Variants in ALG6 observed in about 807,000 individuals in gnomAD.
ALG6 encodes dolichyl pyrophosphate Man9GlcNAc2 alpha-1,3-glucosyltransferase.
ALG6 carries 46 observed loss-of-function variants against 66.6 expected under a neutral mutation model. The ratio of observed to expected loss-of-function variants is 0.69; its 90% CI spans 0.55 to 0.88. The LOEUF (loss-of-function observed/expected upper bound fraction) is 0.88. Among genes scored for constraint, ALG6 ranks in the 40% least tolerant of loss-of-function variants. The pLI, the probability that ALG6 is intolerant of heterozygous loss-of-function variation, is 0.00. For missense variants in ALG6, 505 were observed against 586.8 expected, an observed-to-expected ratio of 0.86 and a Z score of 1.44; for synonymous variants, 185 against 203.7, an observed-to-expected ratio of 0.91 and a Z score of 0.78.
At chr1:63,432,282 A>C (rs1027328395) in intron 14 of ALG6, among the ~76,000 whole-genome samples, 1 of 146,718 alleles carries the variant, frequency 6.8e-6, no homozygotes, top group Admixed American at 6.7e-5. Context: ...TTATTCTATT[A>C]TATGACATAT....
chr1:63,415,083 G>A (rs1292260018), intron 10 of ALG6, among the ~76,000 whole-genome samples: 1 of 152,066 alleles, frequency 6.6e-6, no homozygotes, highest in East Asian at 1.9e-4. Context: ...AGATGGGTGT[G>A]GCCTCTCTGT....
intron 3 of ALG6, among the ~76,000 whole-genome samples, chr1:63,401,564 G>T (rs1644465358): frequency 6.6e-6 from 1 of 151,496 alleles, no homozygotes; most frequent in Non-Finnish European, 1.5e-5. Flanking sequence ...TACTCAGGAG[G>T]CTGAGGCAGG....
intron 11 of ALG6, among the ~76,000 whole-genome samples, chr1:63,419,092 T>C (rs1222087555): frequency 6.6e-6 from 1 of 152,184 alleles, no homozygotes; most frequent in Non-Finnish European, 1.5e-5. Context: ...ATGATTGTTG[T>C]GTCTGAGGTA....
intron 2 of ALG6, among the ~76,000 whole-genome samples, chr1:63,385,257 T>C (rs368031970): frequency 5.1e-5 from 7 of 136,836 alleles, no homozygotes; most frequent in African/African-American, 1.9e-4. Flanking sequence ...TGGAGTGCAA[T>C]GGCATGATCT....
chr1:63,405,334 C>G (rs1020678517), intron 5 of ALG6, among the ~76,000 whole-genome samples: 1 of 152,120 alleles, frequency 6.6e-6, no homozygotes, highest in African/African-American at 2.4e-5. Context: ...GCAGGGAACT[C>G]ACAACCTTTA....
At chr1:63,386,619 C>G (rs1648511327) in intron 2 of ALG6, among the ~76,000 whole-genome samples, 1 of 152,084 alleles carries the variant, frequency 6.6e-6, no homozygotes, top group Non-Finnish European at 1.5e-5. Context: ...TCATAGTAGT[C>G]TCTGGTGATC....
chr1:63,414,654 C>T (rs1462771309), intron 10 of ALG6, among the ~76,000 whole-genome samples: 1 of 152,126 alleles, frequency 6.6e-6, no homozygotes, highest in East Asian at 1.9e-4. Flanking sequence ...GAATTGTTAC[C>T]TTGTTCTCTC....
chr1:63,402,663 C>T (rs1364813125), intron 4 of ALG6, among the ~76,000 whole-genome samples: 1 of 147,914 alleles, frequency 6.8e-6, no homozygotes, highest in Admixed American at 6.7e-5. Context: ...GACGGGGTTT[C>T]ACCATGTTGG....
intron 3 of ALG6, among the ~76,000 whole-genome samples, chr1:63,399,742 T>C (rs1644436347): frequency 6.6e-6 from 1 of 152,158 alleles, no homozygotes; most frequent in Non-Finnish European, 1.5e-5. Flanking sequence ...GAAAACTACA[T>C]CTTAAAGTTA....
At position 63,419,667 on chromosome 1, in the gene ALG6, CT is replaced by C. The variant is rs562363643; in HGVS notation, c.1058+228del. ...TTATTGACATAATAGTAATTTCTTC[CT>C]GTTCCTTCACTTATATTTTCTACAT... On this transcript the variant is annotated intron_variant, in intron 12 of 14. Transcript: ENST00000263440. Among the ~76,000 whole-genome samples, 81 of 152,070 alleles carry C rather than the reference CT, an allele frequency of 5.3e-4. 1 individual carries two copies. Among genetic ancestry groups the C allele is most frequent in the African/African-American group, 1.9e-3 (77 of 41,492 alleles).
At position 63,406,408 on chromosome 1, in the gene ALG6, T is replaced by C. The variant is rs1644489994; in HGVS notation, c.429+9T>C. ...TCTCAACTAAGAAAAAGGTAGGTTT[T>C]CAAGCAGCCTGACAGTTCGTCTCTG... is the stretch of plus-strand genomic sequence containing the variant. On this transcript the variant is annotated intron_variant, in intron 6 of 14. Transcript: ENST00000263440. The C allele has an allele frequency of 3.1e-6, 5 of 1,608,538 alleles. No individual in the cohort carries two copies. Among genetic ancestry groups the C allele is most frequent in the Non-Finnish European group, 4.3e-6 (5 of 1,175,530 alleles).
At chr1:63,372,387 AT>A (rs1647957590) in intron 2 of ALG6, among the ~76,000 whole-genome samples, 1 of 152,122 alleles carries the variant, frequency 6.6e-6, no homozygotes, top group Non-Finnish European at 1.5e-5. Flanking sequence ...ACAGACACAC[AT>A]TTACTCTCTA....
chr1:63,394,741 C>T (rs1396782183), intron 2 of ALG6, among the ~76,000 whole-genome samples: 1 of 152,156 alleles, frequency 6.6e-6, no homozygotes, highest in Non-Finnish European at 1.5e-5. Flanking sequence ...AGAATAGGAG[C>T]TAAGAGCATG....
rs1390833208 is a variant in ALG6 at position 63,422,350 on chromosome 1, TATCTATATAA to T, written c.1058+2913_1058+2922del. On this transcript the variant is annotated intron_variant, in intron 12 of 14. Transcript: ENST00000263440. ...ATATATCTATAGGAATATAAATATA[TATCTATATAA>T]ATATAAATATATATAAGTATAAATA... Among the ~76,000 whole-genome samples, 12 of 100,194 alleles carry T rather than the reference TATCTATATAA, an allele frequency of 1.2e-4. No homozygotes were observed. The East Asian group carries it at 2.2e-3, about 18-fold the overall frequency. 65.7% of individuals were successfully genotyped at this position (100,194 alleles called of 152,430 possible).
chr1:63,425,988 T>C (rs1160110810), intron 12 of ALG6, among the ~76,000 whole-genome samples: 1 of 151,936 alleles, frequency 6.6e-6, no homozygotes, highest in Non-Finnish European at 1.5e-5. Context: ...CAGTCTAAAG[T>C]ATGACCGTAA....
chr1:63,388,493 CCT>C (rs1648573677), intron 2 of ALG6, among the ~76,000 whole-genome samples: 1 of 152,068 alleles, frequency 6.6e-6, no homozygotes, highest in African/African-American at 2.4e-5. Context: ...ACTTTATTCC[CCT>C]GCTTTTTAAC....
At chr1:63,382,665 GTTTTTTTTTTTTT>G (rs1648361830) in intron 2 of ALG6, among the ~76,000 whole-genome samples, 11 of 93,600 alleles carry the variant, frequency 1.2e-4, no homozygotes, top group Non-Finnish European at 4.2e-5. Context: ...GTTTTTTTTT[GTTTTTTTTTTTTT>G]GTTTTTTTTT....
intron 7 of ALG6, among the ~76,000 whole-genome samples, chr1:63,410,394 C>G (rs574248956): frequency 6.6e-6 from 1 of 152,046 alleles, no homozygotes; most frequent in South Asian, 2.1e-4. Flanking sequence ...AACTAGGACT[C>G]CAGGCTTGCA....
intron 14 of ALG6, among the ~76,000 whole-genome samples, chr1:63,435,756 C>G (rs1467916206): frequency 1.3e-5 from 2 of 151,468 alleles, no homozygotes; most frequent in Non-Finnish European, 2.9e-5. Context: ...AATAAAAATT[C>G]TGTTCCTCAG....
Sources: gnomAD v4.1 joint callset for allele counts (sites outside exome capture counted in the v4.1 genomes callset) on GRCh38, gnomAD v4.1.1 for gene constraint, MANE v1.5 for transcripts, NCBI Gene and HGNC (gene_info 2026-07-23, HGNC 2026-07-21) for gene names.